RBM34: variants seen among roughly 807,000 people sequenced by gnomAD.
The protein encoded by RBM34 is RNA binding motif protein 34, also known as RNA-binding protein 34.
A neutral mutation model predicts 44.6 loss-of-function variants in RBM34; 39 were observed. That is an observed-to-expected ratio of 0.87 (90% CI 0.68 to 1.14). The LOEUF (loss-of-function observed/expected upper bound fraction) is 1.14. RBM34 is among the 50% of genes most tolerant of loss of function. RBM34 has a pLI of 0.00. For missense variants in RBM34, 572 were observed against 517.9 expected (o/e 1.10, Z -1.01); for synonymous variants, 194 against 184.0 (o/e 1.05, Z -0.44).
At chr1:235,148,254 A>G (rs922680262) in intron 6 of RBM34, 150 bp downstream of exon 6, 2 of 467,904 alleles carry the variant, frequency 4.3e-6, no homozygotes, top group Non-Finnish European at 7.3e-6. Flanking sequence ...ACAAATCTAA[A>G]GGCTCTCAAA....
intron 5 of RBM34, among the ~76,000 whole-genome samples, chr1:235,150,345 C>A (rs1280042336): frequency 6.6e-6 from 1 of 152,190 alleles, no homozygotes; most frequent in Non-Finnish European, 1.5e-5. Context: ...TGCTGGGTTA[C>A]AGGCATCAAC....
chr1:235,134,039 A>T (rs548025867), intron 10 of RBM34, among the ~76,000 whole-genome samples: 1 of 151,706 alleles, frequency 6.6e-6, no homozygotes, highest in South Asian at 2.1e-4. Flanking sequence ...TTATTTTTTA[A>T]TTTTTCTTTC....
intron 3 of RBM34, 50 bp from the exon 4 acceptor site, chr1:235,155,162 T>A: frequency 1.1e-5 from 16 of 1,467,100 alleles, no homozygotes; most frequent in Non-Finnish European, 1.5e-5. Flanking sequence ...GCCAGTTAGG[T>A]CTAGTATTTG....
At chr1:235,155,833 A>ATG (rs1198870001) in intron 3 of RBM34, among the ~76,000 whole-genome samples, 1 of 19,652 alleles carries the variant, frequency 5.1e-5, no homozygotes, top group Non-Finnish European at 8.3e-5. Flanking sequence ...ATATATATAT[A>ATG]TATATATATA....
In RBM34 at chr1:235,131,913, T is replaced by C. The variant is rs1459360912; in HGVS notation, c.1093A>G (p.Lys365Glu). 1.9e-6 allele frequency: 3 copies of C among 1,613,614 alleles called. No homozygotes were observed. In the South Asian group the frequency reaches 3.3e-5, roughly 18 times the overall value. Residue 365 changes from lysine (K) to glutamate (E), a missense_variant, in exon 11 of 11, where the codon AAA (lysine) becomes GAA (glutamate). Physicochemically the swap from Lys to Glu is moderately conservative, Grantham distance 56. Transcript: ENST00000408888. ...GAATTTTGTTGTTTAAATTTTTCTT[T>C]ATTAACAGAACGCATGACTCTGAGT... Reference protein sequence around the residue: ...RKLRVMRSVNKEKFKQQNSNP... With the variant: ...RKLRVMRSVNEEKFKQQNSNP...
rs1662611046 is a variant in RBM34, at chr1:235,159,651, C to T, written c.365+860G>A. ...TTAGGAGGCTGAGGTGGGTGGATCA[C>T]CTGAGGTCAGGAGTTCAAGACCAAC... On this transcript the variant is annotated intron_variant, in intron 3 of 10. Transcript: ENST00000408888. Among the ~76,000 whole-genome samples the T allele has an allele frequency of 2.0e-5, 3 of 151,870 alleles. No homozygotes were observed. In the South Asian group the frequency reaches 6.2e-4, roughly 32 times the overall value.
intron 5 of RBM34, 106 bp downstream of exon 5, chr1:235,152,600 T>C (rs1662210940): frequency 2.0e-6 from 3 of 1,518,744 alleles, no homozygotes; most frequent in Admixed American, 2.4e-5. Flanking sequence ...ACCTATTGAT[T>C]CAAAAGGTTA....
intron 6 of RBM34, among the ~76,000 whole-genome samples, chr1:235,141,356 C>T (rs1661675787): frequency 1.3e-5 from 2 of 152,204 alleles, no homozygotes; most frequent in Admixed American, 6.5e-5. Flanking sequence ...CTGTATCTAG[C>T]TGCTCTGGTG....
intron 5 of RBM34, 41 bp from the exon 6 acceptor site, chr1:235,148,488 A>G (rs779342894): frequency 2.8e-6 from 4 of 1,450,706 alleles, no homozygotes; most frequent in Non-Finnish European, 3.8e-6. Flanking sequence ...CAGTATTTGA[A>G]GTATTACCTC....
At chr1:235,141,869 G>A (rs1266069014) in intron 6 of RBM34, among the ~76,000 whole-genome samples, 1 of 152,182 alleles carries the variant, frequency 6.6e-6, no homozygotes, top group Non-Finnish European at 1.5e-5. Flanking sequence ...CCGAACATCA[G>A]AAGGAACAGA....
intron 5 of RBM34, among the ~76,000 whole-genome samples, chr1:235,150,051 G>A (rs1013226116): frequency 1.2e-4 from 18 of 152,138 alleles, no homozygotes; most frequent in South Asian, 6.2e-4. Flanking sequence ...CAGCGTCTAC[G>A]TCCCGTTATT....
At chr1:235,142,926 C>CAA (rs34015202) in intron 6 of RBM34, among the ~76,000 whole-genome samples, 165 of 66,060 alleles carry the variant, frequency 2.5e-3, no homozygotes, top group African/African-American at 8.2e-3. Context: ...GGATCCATCT[C>CAA]AAAAAAAAAA....
intron 6 of RBM34, among the ~76,000 whole-genome samples, chr1:235,141,577 G>A (rs1300534545): frequency 6.6e-6 from 1 of 152,102 alleles, no homozygotes; most frequent in Non-Finnish European, 1.5e-5. Flanking sequence ...AAGCCACTCG[G>A]GTCCCCTTCC....
intron 3 of RBM34, among the ~76,000 whole-genome samples, chr1:235,155,505 CTT>C (rs745638640): frequency 3.9e-4 from 48 of 123,870 alleles, no homozygotes; most frequent in African/African-American, 8.9e-4. Context: ...CCACACGTGG[CTT>C]TTTTTTTTTT....
intron 3 of RBM34, among the ~76,000 whole-genome samples, chr1:235,155,864 T>TATATATATATATATAC (rs1553275378): frequency 2.5e-5 from 2 of 81,120 alleles, no homozygotes; most frequent in African/African-American, 9.8e-5. Context: ...TATATATATA[T>TATATATATATATATAC]ATACATATAT....
rs1375552856 is a variant in RBM34 at position 235,135,685 on chromosome 1, G to A, written c.975C>T (p.Gly325=). Residue 325 remains glycine, a synonymous_variant, in exon 10 of 11, where the codon GGC becomes GGT. Transcript: ENST00000408888. ...GCACATAGCCAAACCCTTTGCCGAT[G>A]CCTGTCATTTTGTCTCTCACAATCC... ...AVRIVRDKMT[G]IGKGFGYVLF... The A allele has an allele frequency of 6.2e-7, 1 of 1,614,210 alleles. No homozygotes were observed. The highest frequency in any genetic ancestry group is 8.5e-7 in the Non-Finnish European group (1 of 1,180,018).
intron 6 of RBM34, among the ~76,000 whole-genome samples, chr1:235,138,901 C>G (rs1482576030): frequency 1.3e-5 from 2 of 152,166 alleles, no homozygotes; most frequent in African/African-American, 4.8e-5. Flanking sequence ...GCAAGCTCAT[C>G]AAGTAGTTTA....
At chr1:235,157,295 A>G (rs1662491550) in intron 3 of RBM34, among the ~76,000 whole-genome samples, 1 of 152,218 alleles carries the variant, frequency 6.6e-6, no homozygotes, top group South Asian at 2.1e-4. Flanking sequence ...GCAGGGAAGG[A>G]GGTGAAGACG....
rs776594400 is a variant in RBM34, at chr1:235,154,932, C to G, written c.546G>C (p.Lys182Asn). 3.1e-6 allele frequency: 5 copies of G among 1,613,962 alleles called. No individual in the cohort carries two copies. Among genetic ancestry groups the G allele is most frequent in the East Asian group, 4.5e-5 (2 of 44,882 alleles). The change falls in exon 4 of 11, where the codon AAG (lysine) becomes AAC (asparagine). Residue 182 changes from lysine (K) to asparagine (N), a missense_variant. By Grantham distance (94) the Lys-to-Asn change is moderately conservative. Coordinates refer to ENST00000408888, the MANE Select transcript of RBM34 (RefSeq NM_015014.4). ...TCCCAACAAACACAGTTCTCTCATT[C>G]TTTAATCTCTCTTCTTCTTGGTTGA... ...IQINQEEERL[K>N]NERTVFVGNL... is the part of the protein sequence containing the mutation.
Sources: allele counts gnomAD v4.1 joint callset (sites outside exome capture counted in the v4.1 genomes callset), GRCh38; gene constraint gnomAD v4.1.1; transcripts MANE v1.5; gene names NCBI Gene and HGNC (gene_info 2026-07-23, HGNC 2026-07-21).